GALNT13: variants seen among roughly 807,000 people sequenced by gnomAD.
GALNT13 encodes the protein polypeptide N-acetylgalactosaminyltransferase 13.
In GALNT13, 28 loss-of-function variants were observed where a neutral mutation model predicts 64.2. That is an observed-to-expected ratio of 0.44 (90% CI 0.32 to 0.60). The LOEUF (loss-of-function observed/expected upper bound fraction) is 0.60, where lower values mean the gene tolerates loss of function less well. GALNT13 is among the 20% of genes least tolerant of loss of function. The pLI is 0.05. For missense variants in GALNT13, 577 were observed against 669.8 expected (o/e 0.86, Z 1.53); for synonymous variants, 214 against 224.6 (o/e 0.95, Z 0.42).
At chr2:153,248,127 G>A in the GALNT13 span, among the ~76,000 whole-genome samples, 5 of 152,070 alleles carry the variant, frequency 3.3e-5, no homozygotes, top group South Asian at 2.1e-4. Flanking sequence ...GAATTCTACC[G>A]GAGGTACAAA....
the GALNT13 span, among the ~76,000 whole-genome samples, chr2:153,158,752 T>C: frequency 6.6e-6 from 1 of 152,224 alleles, no homozygotes; most frequent in Non-Finnish European, 1.5e-5. Flanking sequence ...CAATGAACTA[T>C]CTACAAACAG....
At chr2:154,363,396 A>C (rs1000396303) in intron 9 of GALNT13, among the ~76,000 whole-genome samples, 2 of 152,132 alleles carry the variant, frequency 1.3e-5, no homozygotes, top group Non-Finnish European at 2.9e-5. Flanking sequence ...TGTTCTGATT[A>C]TTTATTCTGT....
At chr2:153,204,098 C>G in the GALNT13 span, among the ~76,000 whole-genome samples, 1 of 152,212 alleles carries the variant, frequency 6.6e-6, no homozygotes, top group African/African-American at 2.4e-5. Flanking sequence ...TCGATACTCC[C>G]TAATACCAGT....
At chr2:154,320,555 G>A (rs1214512074) in intron 9 of GALNT13, among the ~76,000 whole-genome samples, 1 of 152,150 alleles carries the variant, frequency 6.6e-6, no homozygotes. Context: ...CAGTAAAGTA[G>A]TAAAGGGTGG....
At chr2:154,064,692 A>G (rs1700368859) in intron 3 of GALNT13, among the ~76,000 whole-genome samples, 1 of 152,054 alleles carries the variant, frequency 6.6e-6, no homozygotes, top group Admixed American at 6.6e-5. Flanking sequence ...TCACTTGCTG[A>G]CCAAAGAACC....
At chr2:153,960,891 CAAATT>C (rs959547900) in intron 3 of GALNT13, among the ~76,000 whole-genome samples, 33 of 152,220 alleles carry the variant, frequency 2.2e-4, no homozygotes, top group Middle Eastern at 3.4e-3. Context: ...TAAAACCACT[CAAATT>C]AATAACTAAA....
the GALNT13 span, among the ~76,000 whole-genome samples, chr2:153,488,554 C>T: frequency 6.6e-6 from 1 of 151,992 alleles, no homozygotes; most frequent in African/African-American, 2.4e-5. Flanking sequence ...TCTTGAATCT[C>T]GCTGATGGTC....
the GALNT13 span, among the ~76,000 whole-genome samples, chr2:153,769,178 T>C: frequency 2.0e-5 from 3 of 152,174 alleles, no homozygotes; most frequent in Admixed American, 6.5e-5. Context: ...GTATGTAATG[T>C]TTTCTAGGAT....
the GALNT13 span, among the ~76,000 whole-genome samples, chr2:153,385,941 A>G: frequency 1.4e-4 from 22 of 152,156 alleles, no homozygotes; most frequent in African/African-American, 5.1e-4. Flanking sequence ...ATATGGAAAT[A>G]AAGTCCTGAA....
At chr2:153,074,841 C>A in the GALNT13 span, among the ~76,000 whole-genome samples, 1 of 152,252 alleles carries the variant, frequency 6.6e-6, no homozygotes, top group African/African-American at 2.4e-5. Flanking sequence ...CTCCAGCGAT[C>A]CTATCACCTC....
chr2:153,324,187 T>A, the GALNT13 span, among the ~76,000 whole-genome samples: 1 of 152,198 alleles, frequency 6.6e-6, no homozygotes, highest in East Asian at 1.9e-4. Flanking sequence ...GCTTTGTAGT[T>A]CTCCTTGAAG....
the GALNT13 span, among the ~76,000 whole-genome samples, chr2:153,846,248 AT>A: frequency 6.6e-6 from 1 of 152,148 alleles, no homozygotes; most frequent in Non-Finnish European, 1.5e-5. Flanking sequence ...ATTAATACTA[AT>A]TGTTTCTGGT....
At chr2:153,807,402 A>T in the GALNT13 span, among the ~76,000 whole-genome samples, 1 of 151,962 alleles carries the variant, frequency 6.6e-6, no homozygotes, top group Admixed American at 6.6e-5. Context: ...CTATTAGATA[A>T]CTACCTTTGC....
the GALNT13 span, among the ~76,000 whole-genome samples, chr2:153,382,677 G>A: frequency 2.9e-4 from 44 of 151,994 alleles, no homozygotes; most frequent in African/African-American, 9.6e-4. Context: ...TTTTTTACTG[G>A]TTGTGTAACT....
At chr2:153,912,430 A>G (rs1689010964) in intron 2 of GALNT13, among the ~76,000 whole-genome samples, 1 of 152,120 alleles carries the variant, frequency 6.6e-6, no homozygotes, top group Non-Finnish European at 1.5e-5. Context: ...ACCTCAGTTA[A>G]CAACTCTTCT....
At chr2:153,724,624 C>A in the GALNT13 span, among the ~76,000 whole-genome samples, 1 of 120,882 alleles carries the variant, frequency 8.3e-6, no homozygotes, top group Non-Finnish European at 1.6e-5. Flanking sequence ...AAACAAACAA[C>A]CCCATCAAAA....
At chr2:153,381,592 A>C in the GALNT13 span, among the ~76,000 whole-genome samples, 1 of 152,082 alleles carries the variant, frequency 6.6e-6, no homozygotes, top group Non-Finnish European at 1.5e-5. Context: ...GGTAAGGCTG[A>C]TACTCATCTA....
At chr2:153,796,638 CA>C in the GALNT13 span, among the ~76,000 whole-genome samples, 4 of 151,766 alleles carry the variant, frequency 2.6e-5, no homozygotes, top group African/African-American at 9.7e-5. Context: ...TACATGTATC[CA>C]AAAAAATTAG....
chr2:153,977,401 A>G (rs754510593), intron 3 of GALNT13, among the ~76,000 whole-genome samples: 35 of 152,250 alleles, frequency 2.3e-4, no homozygotes, highest in Non-Finnish European at 3.7e-4. Flanking sequence ...TAAAGCAGAA[A>G]GGGAAGCAAA....
Sources: gnomAD v4.1 joint callset for allele counts (sites outside exome capture counted in the v4.1 genomes callset) on GRCh38, gnomAD v4.1.1 for gene constraint, MANE v1.5 for transcripts, NCBI Gene and HGNC (gene_info 2026-07-23, HGNC 2026-07-21) for gene names.